The following AGBL4 variants were observed in gnomAD, a reference collection of about 807,000 sequenced individuals.
The protein encoded by AGBL4 is cytosolic carboxypeptidase 6.
Under a neutral mutation model 66.4 loss-of-function variants are expected in AGBL4, and 58 were observed. The ratio of observed to expected loss-of-function variants is 0.87; its 90% CI spans 0.71 to 1.09. AGBL4 has a LOEUF of 1.09. AGBL4 is among the 50% of genes least tolerant of loss of function. AGBL4 has a pLI of 0.00. For synonymous variants in AGBL4, 234 were observed against 222.9 expected, an observed-to-expected ratio of 1.05 and a Z score of -0.44; for missense variants, 579 against 631.0, an observed-to-expected ratio of 0.92 and a Z score of 0.88.
chr1:48,918,288 C>T (rs1039156473), intron 5 of AGBL4, among the ~76,000 whole-genome samples: 1 of 152,112 alleles, frequency 6.6e-6, no homozygotes, highest in Non-Finnish European at 1.5e-5. Context: ...TTTGTTTGTT[C>T]ATTCGTTTGT....
At chr1:48,677,392 C>G (rs1194038001) in intron 6 of AGBL4, among the ~76,000 whole-genome samples, 2 of 151,982 alleles carry the variant, frequency 1.3e-5, no homozygotes, top group Non-Finnish European at 2.9e-5. Flanking sequence ...GCCACCACAG[C>G]AAAGAAGGGG....
intron 1 of AGBL4, among the ~76,000 whole-genome samples, chr1:49,854,308 G>A (rs994311828): frequency 1.3e-5 from 2 of 151,952 alleles, no homozygotes; most frequent in Non-Finnish European, 2.9e-5. Context: ...ACCATCTGAG[G>A]CATGAAAGGA....
chr1:49,695,540 T>TCCC (rs1646967431), intron 3 of AGBL4, among the ~76,000 whole-genome samples: 2 of 151,808 alleles, frequency 1.3e-5, no homozygotes, highest in Admixed American at 1.3e-4. Flanking sequence ...AAAGAGAGGG[T>TCCC]TTTCCTAAGA....
intron 3 of AGBL4, 125 bp from the exon 4 acceptor site, chr1:49,245,989 G>C: frequency 1.5e-6 from 1 of 668,566 alleles, no homozygotes; most frequent in Non-Finnish European, 2.6e-6. Context: ...ACTGTATAGT[G>C]AGAGTACACA....
chr1:48,552,673 C>T (rs1330993309), intron 11 of AGBL4, among the ~76,000 whole-genome samples: 2 of 152,180 alleles, frequency 1.3e-5, no homozygotes, highest in African/African-American at 4.8e-5. Context: ...TTGCCAAACA[C>T]TCCCTGGGGC....
intron 6 of AGBL4, among the ~76,000 whole-genome samples, chr1:48,828,949 T>C (rs904324756): frequency 2.0e-5 from 3 of 152,204 alleles, no homozygotes; most frequent in African/African-American, 7.2e-5. Context: ...GTGTAAGATA[T>C]CTCACAACCA....
At chr1:49,948,565 ATAT>A (rs1382780318) in intron 1 of AGBL4, among the ~76,000 whole-genome samples, 3 of 59,526 alleles carry the variant, frequency 5.0e-5, no homozygotes, top group East Asian at 7.0e-4. Context: ...ATATATAAAA[ATAT>A]ATATATATAT....
intron 5 of AGBL4, among the ~76,000 whole-genome samples, chr1:49,042,125 G>GTATATCAAGACTTGTATATATACCTTGTA (rs1643957827): frequency 1.3e-5 from 2 of 151,978 alleles, no homozygotes; most frequent in African/African-American, 2.4e-5. Flanking sequence ...ACTTCTGGAA[G>GTATATCAAGACTTGTATATATACCTTGTA]TATATCAAGA....
At chr1:49,533,100 A>C (rs1270671916) in intron 3 of AGBL4, among the ~76,000 whole-genome samples, 2 of 152,128 alleles carry the variant, frequency 1.3e-5, no homozygotes, top group East Asian at 3.9e-4. Flanking sequence ...TGATTTTCTT[A>C]CAAGTTAGTG....
intron 3 of AGBL4, among the ~76,000 whole-genome samples, chr1:49,584,134 T>G (rs928714109): frequency 2.0e-5 from 3 of 152,204 alleles, no homozygotes; most frequent in Admixed American, 2.0e-4. Flanking sequence ...TCTTACTGAC[T>G]TTAGCTTCCA....
chr1:49,934,780 A>G (rs1227214296), intron 1 of AGBL4, among the ~76,000 whole-genome samples: 1 of 151,896 alleles, frequency 6.6e-6, no homozygotes, highest in Non-Finnish European at 1.5e-5. Context: ...CAAAGCTGGT[A>G]GAAGAAAGTA....
At chr1:49,740,329 C>G (rs974795339) in intron 2 of AGBL4, among the ~76,000 whole-genome samples, 1 of 152,146 alleles carries the variant, frequency 6.6e-6, no homozygotes, top group African/African-American at 2.4e-5. Context: ...GAAAAGGGAA[C>G]AATTCAACAG....
At chr1:48,673,092 G>C (rs1255102075) in intron 6 of AGBL4, among the ~76,000 whole-genome samples, 1 of 152,054 alleles carries the variant, frequency 6.6e-6, no homozygotes, top group African/African-American at 2.4e-5. Flanking sequence ...ATTCCCAAGG[G>C]GAAATTTGAT....
chr1:48,540,927 G>C (rs1012407844), intron 11 of AGBL4, among the ~76,000 whole-genome samples: 1 of 152,166 alleles, frequency 6.6e-6, no homozygotes, highest in African/African-American at 2.4e-5. Context: ...CTGCAATGCA[G>C]CTCTGAATAT....
chr1:49,817,503 C>T (rs1048593532), intron 2 of AGBL4, among the ~76,000 whole-genome samples: 1 of 152,162 alleles, frequency 6.6e-6, no homozygotes, highest in Non-Finnish European at 1.5e-5. Context: ...ACATAATTCT[C>T]ATTCGCAATA....
intron 4 of AGBL4, among the ~76,000 whole-genome samples, chr1:49,153,907 C>T (rs943007911): frequency 4.6e-5 from 7 of 152,016 alleles, no homozygotes; most frequent in African/African-American, 1.7e-4. Flanking sequence ...CTCTAAACCC[C>T]AGATTCATAA....
At chr1:49,806,482 A>G (rs184567473) in intron 2 of AGBL4, among the ~76,000 whole-genome samples, 6 of 152,314 alleles carry the variant, frequency 3.9e-5, no homozygotes, top group Admixed American at 3.9e-4. Context: ...TTCTAATGTA[A>G]AAAATAGAAA....
At chr1:48,593,349 T>C (rs943726942) in intron 9 of AGBL4, among the ~76,000 whole-genome samples, 1 of 152,212 alleles carries the variant, frequency 6.6e-6, no homozygotes, top group Admixed American at 6.5e-5. Context: ...AACTAACTAG[T>C]TACTTATTGA....
chr1:48,902,894 T>C (rs1652221450), intron 5 of AGBL4, among the ~76,000 whole-genome samples: 1 of 152,174 alleles, frequency 6.6e-6, no homozygotes. Context: ...ATCCTTAGCC[T>C]GGCACTTGTG....
Sources: allele counts gnomAD v4.1 joint callset (sites outside exome capture counted in the v4.1 genomes callset), GRCh38; gene constraint gnomAD v4.1.1; transcripts MANE v1.5; gene names NCBI Gene and HGNC (gene_info 2026-07-23, HGNC 2026-07-21).